SEPTIN6: variants seen among roughly 807,000 people sequenced by gnomAD.
SEPTIN6 encodes septin-6.
SEPTIN6 carries 8 observed loss-of-function variants against 33.6 expected under a neutral mutation model. The ratio of observed to expected loss-of-function variants is 0.24; its 90% CI spans 0.14 to 0.43. The LOEUF (loss-of-function observed/expected upper bound fraction) is 0.43. Ranked by LOEUF, SEPTIN6 falls within the 20% of genes least tolerant of loss-of-function variation. The pLI is 1.00. For missense variants in SEPTIN6, 250 were observed against 340.8 expected, an observed-to-expected ratio of 0.73 and a Z score of 2.10; for synonymous variants, 131 against 140.0, an observed-to-expected ratio of 0.94 and a Z score of 0.45.
chrX:119,616,610 G>T, downstream of SEPTIN6: 1 of 806,678 alleles, frequency 1.2e-6, no homozygotes, highest in Non-Finnish European at 1.9e-6. Context: ...GTGTATGTGT[G>T]TGTGCTTGCA....
chrX:119,666,037 G>C (rs749884056), intron 2 of SEPTIN6, among the ~76,000 whole-genome samples: 31 of 106,315 alleles, frequency 2.9e-4, no homozygotes, highest in African/African-American at 9.0e-4. Context: ...AGCTGAGATC[G>C]CGCCACTGCA....
intron 8 of SEPTIN6, among the ~76,000 whole-genome samples, chrX:119,630,533 A>G (rs979937763): frequency 8.9e-6 from 1 of 112,415 alleles, no homozygotes; most frequent in Non-Finnish European, 1.9e-5. Context: ...AGTCCTGAAT[A>G]GAACCAGAAA....
intron 2 of SEPTIN6, among the ~76,000 whole-genome samples, chrX:119,671,287 TAA>T (rs1305125901): frequency 9.7e-6 from 1 of 103,047 alleles, no homozygotes; most frequent in Non-Finnish European, 2.0e-5. Flanking sequence ...CTCTACACAA[TAA>T]GTTTTTTTTT....
chrX:119,668,539 C>G (rs12008407), intron 2 of SEPTIN6, among the ~76,000 whole-genome samples: 17,853 of 111,100 alleles, frequency 0.16, 1,443 homozygotes, highest in East Asian at 0.3. Flanking sequence ...TCACAGCAAG[C>G]CCATGAGGAA....
Position 119,617,474 on chromosome X carries a change from G to C in SEPTIN6, c.*2619C>G, listed in dbSNP as rs1045675776. On this transcript the variant is annotated 3_prime_UTR_variant, in exon 11 of 11. Coordinates refer to ENST00000394610, the MANE Select transcript of SEPTIN6 (RefSeq NM_145799.4). ...ACACAGTCTCCTGGACCCCGTTCCA[G>C]CCTTGCAGCATCACTGGGTCATTGG... 3.7e-6 allele frequency: 3 copies of C among 802,733 alleles called. No homozygotes were observed. In the African/African-American group the frequency reaches 6.6e-5, roughly 18 times the overall value. The allele number at this position is 802,733 out of a possible 1,213,427, so 66.2% of individuals were successfully genotyped here.
chrX:119,671,619 T>C (rs1470563768), intron 2 of SEPTIN6, among the ~76,000 whole-genome samples: 1 of 108,676 alleles, frequency 9.2e-6, no homozygotes, highest in African/African-American at 3.3e-5. Flanking sequence ...AAAAAAAAAT[T>C]AGCCAGGCAT....
intron 5 of SEPTIN6, among the ~76,000 whole-genome samples, chrX:119,642,215 A>T (rs969147687): frequency 3.6e-5 from 4 of 109,967 alleles, no homozygotes; most frequent in Non-Finnish European, 7.6e-5. Flanking sequence ...CAAGGTTGTA[A>T]ACAGAGGCTA....
intron 2 of SEPTIN6, among the ~76,000 whole-genome samples, chrX:119,666,219 C>T (rs1473579363): frequency 8.9e-6 from 1 of 112,309 alleles, no homozygotes. Flanking sequence ...TCCCTCTCCT[C>T]TCCCCAACCC....
Position 119,660,603 on chromosome X carries a change from T to C in SEPTIN6, c.341+2879A>G, listed in dbSNP as rs149250285. ...TGAATGTATGTAACTGAAAGAACTG[T>C]AAGAAATGTAATTGAAGTTTCTGAG... On this transcript the variant is annotated intron_variant, in intron 3 of 10. Transcript: ENST00000394610. Among the ~76,000 whole-genome samples the C allele has an allele frequency of 2.5e-3, 279 of 112,026 alleles. 3 individuals are homozygous for C. Among genetic ancestry groups the C allele is most frequent in the African/African-American group, 8.8e-3 (272 of 30,782 alleles).
At chrX:119,661,990 G>A (rs781427914) in intron 3 of SEPTIN6, among the ~76,000 whole-genome samples, 6 of 111,854 alleles carry the variant, frequency 5.4e-5, no homozygotes, top group East Asian at 5.6e-4. Context: ...TGCCCGCCTC[G>A]GCCTCCCAAA....
At chrX:119,684,707 T>G (rs2055025944) in intron 1 of SEPTIN6, among the ~76,000 whole-genome samples, 1 of 110,342 alleles carries the variant, frequency 9.1e-6, no homozygotes, top group Non-Finnish European at 1.9e-5. Context: ...GCCAGGCTGG[T>G]CTCGAACTCC....
rs748355139 is a variant in SEPTIN6, at chrX:119,617,592, TCTAATA to T, written c.*2495_*2500del. 1.0e-4 allele frequency: 81 copies of T among 801,198 alleles called. No homozygotes were observed. The African/African-American group carries it at 1.7e-3, about 16-fold the overall frequency. The allele number at this position is 801,198 out of a possible 1,213,427, so 66.0% of individuals were successfully genotyped here. A position where few individuals can be genotyped will look rare whatever the true frequency, so the allele number is the denominator to read the frequency against. ...CTGTGGAAAAAAACCTCGAGGGTCT[TCTAATA>T]CTAACTAGTCAGTTACTCTGAACAT... On this transcript the variant is annotated 3_prime_UTR_variant, in exon 11 of 11. Coordinates refer to ENST00000394610, the MANE Select transcript of SEPTIN6 (RefSeq NM_145799.4).
rs919975566 is a variant in SEPTIN6 at position 119,620,058 on chromosome X, A to C, written c.*42-7T>G. The C allele has an allele frequency of 6.7e-6, 8 of 1,186,003 alleles. No individual in the cohort carries two copies. The highest frequency in any genetic ancestry group is 9.1e-6 in the Non-Finnish European group (8 of 876,705). On this transcript the variant is annotated splice_region_variant and splice_polypyrimidine_tract_variant and intron_variant, in intron 10 of 10. Transcript: ENST00000394610. ...TGTCTACAGGAAGCCCAAACTGAAA[A>C]TGAAAAGAGAAGCTGAGTTAATGAA... is the stretch of plus-strand genomic sequence containing the variant.
intron 5 of SEPTIN6, among the ~76,000 whole-genome samples, chrX:119,649,291 G>C (rs1327523148): frequency 2.0e-4 from 21 of 106,088 alleles, no homozygotes; most frequent in African/African-American, 6.9e-4. Flanking sequence ...ACGGGGTTTT[G>C]CCATGTTGGC....
chrX:119,646,537 T>C (rs987933503), intron 5 of SEPTIN6, among the ~76,000 whole-genome samples: 2 of 111,467 alleles, frequency 1.8e-5, no homozygotes, highest in African/African-American at 3.3e-5. Flanking sequence ...GGGTTGAAAA[T>C]AGCATGCAAC....
intron 7 of SEPTIN6, among the ~76,000 whole-genome samples, chrX:119,634,225 C>G (rs1682507650): frequency 9.1e-6 from 1 of 110,140 alleles, no homozygotes; most frequent in Non-Finnish European, 1.9e-5. Context: ...AAAAATTAGC[C>G]AGGCGTCGTA....
chrX:119,621,549 T>C (rs1292222324), intron 10 of SEPTIN6, among the ~76,000 whole-genome samples: 2 of 105,190 alleles, frequency 1.9e-5, no homozygotes, highest in Non-Finnish European at 3.9e-5. Flanking sequence ...TGGAGTGCAA[T>C]GGTGCGATCT....
chrX:119,644,714 G>T (rs1430970210), intron 5 of SEPTIN6, among the ~76,000 whole-genome samples: 2 of 109,325 alleles, frequency 1.8e-5, no homozygotes, highest in Non-Finnish European at 3.8e-5. Flanking sequence ...GGGCGTGGTG[G>T]CGGGCGCCTG....
chrX:119,672,418 G>A (rs1480661562), intron 2 of SEPTIN6, among the ~76,000 whole-genome samples: 2 of 111,530 alleles, frequency 1.8e-5, no homozygotes, highest in African/African-American at 6.5e-5. Flanking sequence ...GCTGCCTCTG[G>A]GCCCTAGGGG....
Sources: allele counts gnomAD v4.1 joint callset (sites outside exome capture counted in the v4.1 genomes callset), GRCh38; gene constraint gnomAD v4.1.1; transcripts MANE v1.5; gene names NCBI Gene and HGNC (gene_info 2026-07-23, HGNC 2026-07-21).